Variants in MATN1 observed in about 807,000 individuals in gnomAD.
MATN1 encodes the protein matrilin-1.
A neutral mutation model predicts 41.3 loss-of-function variants in MATN1; 34 were observed. The observed-to-expected ratio is 0.82, with a 90% confidence interval of 0.63 to 1.10. MATN1 has a LOEUF of 1.10. Ranked by LOEUF, MATN1 falls within the 50% of genes least tolerant of loss-of-function variation. MATN1 has a pLI of 0.00. For synonymous variants in MATN1, 264 were observed against 278.7 expected, an observed-to-expected ratio of 0.95 and a Z score of 0.53; for missense variants, 602 against 662.4, an observed-to-expected ratio of 0.91 and a Z score of 1.00.
chr1:30,717,097 C>T (rs1639628097), intron 3 of MATN1, among the ~76,000 whole-genome samples, 182 bp from the exon 4 acceptor site: 1 of 152,212 alleles, frequency 6.6e-6, no homozygotes, highest in South Asian at 2.1e-4. Flanking sequence ...GCACCAGTGC[C>T]TAGATCCCTG....
At chr1:30,723,374 C>T (rs1639719790) in intron 1 of MATN1, 84 bp downstream of exon 1, 1 of 1,064,170 alleles carries the variant, frequency 9.4e-7, no homozygotes, top group African/African-American at 1.7e-5. Flanking sequence ...CCGTGTGCTC[C>T]CTGCCATATC....
intron 2 of MATN1, chr1:30,720,543 C>G (rs1041629187): frequency 2.0e-5 from 3 of 152,454 alleles, no homozygotes; most frequent in African/African-American, 7.2e-5. Flanking sequence ...GGGATACCAC[C>G]TCCGAGCAGA....
rs1057173393 is a variant in MATN1, at chr1:30,721,589, G to C, written c.257C>G (p.Ala86Gly). Reference protein sequence around the residue: ...NATRVGMVNYASTVKQEFSLR... With the variant: ...NATRVGMVNYGSTVKQEFSLR... The stretch of plus-strand genomic sequence containing the variant: ...CGAGAACTCCTGCTTCACGGTGCTG[G>C]CATAGTTGACCATGCCCACCCGGGT... Residue 86 changes from alanine (A) to glycine (G), a missense_variant, in exon 2 of 8, where the codon GCC becomes GGC. Ala to Gly is a moderately conservative substitution (Grantham distance 60, BLOSUM62 0). Transcript: ENST00000373765. The C allele has an allele frequency of 4.8e-5, 77 of 1,613,376 alleles. No individual in the cohort carries two copies. Among genetic ancestry groups the C allele is most frequent in the Non-Finnish European group, 6.0e-5 (71 of 1,180,050 alleles).
intron 5 of MATN1, among the ~76,000 whole-genome samples, chr1:30,715,613 G>C (rs111953052): frequency 2.0e-5 from 3 of 152,052 alleles, no homozygotes; most frequent in African/African-American, 7.2e-5. Flanking sequence ...AAACAGACTC[G>C]GGCTTGTTCC....
intron 1 of MATN1, among the ~76,000 whole-genome samples, chr1:30,723,076 C>A (rs1177793229): frequency 6.6e-6 from 1 of 152,174 alleles, no homozygotes; most frequent in Non-Finnish European, 1.5e-5. Context: ...GAGCCCAAGG[C>A]TGGAAGGACC....
rs190923142 is a variant in MATN1, at chr1:30,717,813, C to T, written c.665-898G>A. ...GGGACTACAGGCGCCCGCAACAACG[C>T]CCGGCTAATTTTTTGTATTTTTAGT... On this transcript the variant is annotated intron_variant, in intron 3 of 7. Coordinates refer to ENST00000373765, the MANE Select transcript of MATN1 (RefSeq NM_002379.3). Among the ~76,000 whole-genome samples, 166 of 152,204 alleles carry T rather than the reference C, an allele frequency of 1.1e-3. 2 individuals carry two copies. The highest frequency in any genetic ancestry group is 3.8e-3 in the African/African-American group (158 of 41,508).
At chr1:30,719,140 G>T (rs1639665566) in intron 2 of MATN1, 183 bp from the exon 3 acceptor site, 2 of 523,640 alleles carry the variant, frequency 3.8e-6, no homozygotes, top group Non-Finnish European at 6.7e-6. Flanking sequence ...GACGTGGCTG[G>T]GGGGCTTTCC....
chr1:30,718,233 T>G (rs1052716641), intron 3 of MATN1, among the ~76,000 whole-genome samples: 7 of 147,516 alleles, frequency 4.7e-5, no homozygotes, highest in Non-Finnish European at 7.5e-5. Flanking sequence ...ACTTTTTCTG[T>G]CTTCACTTTA....
In MATN1 at chr1:30,716,919, CG is replaced by C; in HGVS notation, c.665-5del. The C allele has an allele frequency of 6.2e-7, 1 of 1,610,912 alleles. No individual in the cohort carries two copies. ...GTGGCGCACAGGTCTGACACCACTG[CG>C]GGGACAATAAGTAGCTCAGATCTCA... On this transcript the variant is annotated splice_region_variant and splice_polypyrimidine_tract_variant and intron_variant, in intron 3 of 7. Transcript: ENST00000373765.
Position 30,716,061 on chromosome 1 carries a change from G to A in MATN1, c.1055C>T (p.Thr352Ile), listed in dbSNP as rs754020215. 1 of 1,614,226 alleles carries A rather than the reference G, an allele frequency of 6.2e-7. No individual in the cohort carries two copies. The highest frequency in any genetic ancestry group is 1.1e-5 in the South Asian group (1 of 91,088). ...GTACTTGAGAGCAGCCCCAGTCATT[G>A]TGCCCTTCTCCATGTAGGACATATT... ...VRNMSYMEKG[T>I]MTGAALKYLI... is the part of the protein sequence containing the mutation. The change falls in exon 5 of 8, where the codon ACA becomes ATA. Residue 352 changes from threonine to isoleucine, a missense_variant. Physicochemically the swap from Thr to Ile is moderately conservative, Grantham distance 89. Coordinates refer to ENST00000373765, the MANE Select transcript of MATN1 (RefSeq NM_002379.3).
rs1411863190 is a variant in MATN1 at position 30,712,888 on chromosome 1, A to G, written c.*694T>C. 6.6e-6 allele frequency: 1 copy of G among 152,288 alleles called. No homozygotes were observed. The highest frequency in any genetic ancestry group is 1.5e-5 in the Non-Finnish European group (1 of 68,118). The allele number at this position is 152,288 out of a possible 1,614,324, so 9.4% of individuals were successfully genotyped here. On this transcript the variant is annotated 3_prime_UTR_variant, in exon 8 of 8. Coordinates refer to ENST00000373765, the MANE Select transcript of MATN1 (RefSeq NM_002379.3). ...TCAGCGACCCACTGCTGAGCAAGTC[A>G]TTTCATCATTTAGACTCTCAGCTTT...
At position 30,715,964 on chromosome 1, in the gene MATN1, A is replaced by G; in HGVS notation, c.1152T>C (p.Thr384=). Residue 384 remains threonine (T), a synonymous_variant, in exon 5 of 8, where the codon ACT becomes ACC. Transcript: ENST00000373765. The stretch of plus-strand genomic sequence containing the variant: ...TAATGTAGTCCTGGCTCCGGCCATC[A>G]GTGAAGACAATGCCCACCTTCTGGG... ...PGAQKVGIVF[T]DGRSQDYIND... is the part of the protein sequence containing the mutation. 1 of 1,614,218 alleles carries G rather than the reference A, an allele frequency of 6.2e-7. No individual in the cohort carries two copies. The highest frequency in any genetic ancestry group is 8.5e-7 in the Non-Finnish European group (1 of 1,180,032).
At chr1:30,716,736 C>G in intron 4 of MATN1, 54 bp downstream of exon 4, 1 of 1,596,576 alleles carries the variant, frequency 6.3e-7, no homozygotes, top group South Asian at 1.1e-5. Flanking sequence ...GGGGAGGCCC[C>G]ATCACCTCCC....
At chr1:30,715,469 A>C (rs34804437) in intron 5 of MATN1, among the ~76,000 whole-genome samples, 160 bp from the exon 6 acceptor site, 50,615 of 152,038 alleles carry the variant, frequency 0.33, 8,598 homozygotes, top group Admixed American at 0.36. Context: ...TGAGAAAATC[A>C]ATATTTACTG....
chr1:30,721,751 C>T lies in MATN1; in HGVS notation c.95G>A (p.Gly32Asp). ...CSPGLAPQSR[G>D]HLCRTRPTDL... is the part of the protein sequence containing the mutation. ...TGTGGGCCGCGTCCGGCAGAGATGG[C>T]CTGGGAGTGGGGCAGGAGGGGTAAG... The change falls in exon 2 of 8, where the codon GGC (glycine) becomes GAC (aspartate). Residue 32 changes from glycine to aspartate, a missense_variant and splice_region_variant. Transcript: ENST00000373765. The T allele has an allele frequency of 6.2e-7, 1 of 1,606,032 alleles. No individual in the cohort carries two copies.
At position 30,717,048 on chromosome 1, in the gene MATN1, G is replaced by T; in HGVS notation, c.665-133C>A. On this transcript the variant is annotated intron_variant, in intron 3 of 7. Coordinates refer to ENST00000373765, the MANE Select transcript of MATN1 (RefSeq NM_002379.3). The stretch of plus-strand genomic sequence containing the variant: ...AAACTAAGATCTCCAACATACTGGG[G>T]CCCAGGCCCCCGACTCTCAGCCCAC... The T allele has an allele frequency of 3.9e-6, 4 of 1,038,236 alleles. No individual in the cohort carries two copies. In the South Asian group the frequency reaches 7.2e-5, roughly 19 times the overall value. The allele number at this position is 1,038,236 out of a possible 1,614,324, so 64.3% of individuals were successfully genotyped here.
In MATN1 at chr1:30,716,301, G is replaced by A. The variant is rs781588451; in HGVS notation, c.815C>T (p.Ser272Leu). 2.0e-5 allele frequency: 32 copies of A among 1,613,666 alleles called. No individual in the cohort carries two copies. In the Admixed American group the frequency reaches 3.3e-4, roughly 17 times the overall value. ...CNVCSGGGGS[S>L]ATDLVFLIDG... ...AATGAGGAAGACCAGGTCAGTGGCC[G>A]AGCTGCCACCACCACCACTGCAGAC... Residue 272 changes from serine (S) to leucine (L), a missense_variant, in exon 5 of 8, where the codon TCG becomes TTG. By Grantham distance (145) the Ser-to-Leu change is moderately radical. Coordinates refer to ENST00000373765, the MANE Select transcript of MATN1 (RefSeq NM_002379.3).
Position 30,713,682 on chromosome 1 carries a change from TG to T in MATN1, c.1442-52del, listed in dbSNP as rs1041304567. 4 of 1,478,206 alleles carry T rather than the reference TG, an allele frequency of 2.7e-6. No individual in the cohort carries two copies. The Admixed American group carries it at 7.9e-5, about 29-fold the overall frequency. 91.6% of individuals were successfully genotyped at this position (1,478,206 alleles called of 1,614,324 possible). A position where few individuals can be genotyped will look rare whatever the true frequency, so the allele number is the denominator to read the frequency against. ...CAGGTTGGCCAGAGCAGGGCAGGGATGGCTGTGGCCCTGCACTCAGGCCCCT... is the reference window on the plus strand; with the variant it reads ...CAGGTTGGCCAGAGCAGGGCAGGGATGCTGTGGCCCTGCACTCAGGCCCCT... On this transcript the variant is annotated intron_variant, in intron 7 of 7. Transcript: ENST00000373765.
At position 30,721,512 on chromosome 1, in the gene MATN1, G is replaced by A. The variant is rs755759987; in HGVS notation, c.334C>T (p.Gln112Ter). Residue 112 changes from glutamine (Q) to a stop codon, truncating the protein, a stop_gained, in exon 2 of 8, where the codon CAG (glutamine) becomes TAG (stop). Coordinates refer to ENST00000373765, the MANE Select transcript of MATN1 (RefSeq NM_002379.3). LOFTEE classifies it high-confidence loss of function. ...AALLQAVRRI[Q>*]PLSTGTMTGL... Reference sequence around the variant, plus strand: ...GTCATGGTGCCTGTGGACAGCGGCTGGATACGGCGCACAGCCTGCAGCAGT... The same window carrying A: ...GTCATGGTGCCTGTGGACAGCGGCTAGATACGGCGCACAGCCTGCAGCAGT... The A allele has an allele frequency of 6.2e-7, 1 of 1,613,330 alleles. No homozygotes were observed. The highest frequency in any genetic ancestry group is 8.5e-7 in the Non-Finnish European group (1 of 1,180,048).
Sources: allele counts gnomAD v4.1 joint callset (sites outside exome capture counted in the v4.1 genomes callset), GRCh38; gene constraint gnomAD v4.1.1; transcripts MANE v1.5; gene names NCBI Gene and HGNC (gene_info 2026-07-23, HGNC 2026-07-21).